TNNI3K: variants seen among roughly 807,000 people sequenced by gnomAD.
TNNI3K encodes serine/threonine-protein kinase TNNI3K.
A neutral mutation model predicts 114.5 loss-of-function variants in TNNI3K; 140 were observed. That is an observed-to-expected ratio of 1.22 (90% CI 1.07 to 1.41). The LOEUF (loss-of-function observed/expected upper bound fraction) is 1.41, where lower values mean the gene tolerates loss of function less well. Among genes scored for constraint, TNNI3K ranks in the 40% most tolerant of loss-of-function variants. The probability of loss-of-function intolerance (pLI) is 0.00; values close to 1 mark genes in which losing one functional copy is unlikely to be tolerated. For missense variants in TNNI3K, 1,125 were observed against 1,007.6 expected, an observed-to-expected ratio of 1.12 and a Z score of -1.58; for synonymous variants, 347 against 347.5, an observed-to-expected ratio of 1.00 and a Z score of 0.02.
In TNNI3K at chr1:74,279,049, A is replaced by G. The variant is rs1656847175; in HGVS notation, c.444+7341A>G. Among the ~76,000 whole-genome samples the G allele has an allele frequency of 7.2e-5, 11 of 152,316 alleles. 1 individual carries two copies. The South Asian group carries it at 2.3e-3, about 32-fold the overall frequency. ...TACTACCTGTCTATTTTCATTATAA[A>G]TCAATGCTGGAAGGAAATCTTCAAC... On this transcript the variant is annotated intron_variant, in intron 5 of 24. Coordinates refer to ENST00000326637, the MANE Select transcript of TNNI3K (RefSeq NM_015978.3).
chr1:74,259,549 A>G (rs529601585), intron 4 of TNNI3K, among the ~76,000 whole-genome samples: 177 of 152,270 alleles, frequency 1.2e-3, no homozygotes, highest in Non-Finnish European at 1.7e-3. Context: ...TGGGAGGCTG[A>G]GGCAGGTGGA....
intron 23 of TNNI3K, among the ~76,000 whole-genome samples, chr1:74,520,402 A>G (rs1433586482): frequency 1.3e-5 from 2 of 151,956 alleles, no homozygotes; most frequent in African/African-American, 2.4e-5. Flanking sequence ...CAGCCCCTCC[A>G]GTCTCTCTGT....
intron 20 of TNNI3K, among the ~76,000 whole-genome samples, chr1:74,462,535 T>C (rs1362559377): frequency 1.3e-5 from 2 of 152,200 alleles, no homozygotes; most frequent in Non-Finnish European, 2.9e-5. Context: ...ACATTAGTTA[T>C]ATGTAAAATG....
At chr1:74,360,752 T>A (rs1400512123) in intron 11 of TNNI3K, among the ~76,000 whole-genome samples, 1 of 152,092 alleles carries the variant, frequency 6.6e-6, no homozygotes, top group Non-Finnish European at 1.5e-5. Flanking sequence ...TTCTAGAAAG[T>A]CTTCCCTGAC....
chr1:74,452,422 T>C (rs1667066461), intron 20 of TNNI3K, among the ~76,000 whole-genome samples: 4 of 152,224 alleles, frequency 2.6e-5, no homozygotes, highest in Admixed American at 2.6e-4. Context: ...TTCAAAGTCA[T>C]CCTTGACTCC....
chr1:74,485,153 C>T (rs548361313), intron 21 of TNNI3K, among the ~76,000 whole-genome samples: 7 of 152,186 alleles, frequency 4.6e-5, no homozygotes, highest in South Asian at 2.1e-4. Flanking sequence ...CAAGGAGAAA[C>T]GAAGTAAATC....
intron 5 of TNNI3K, among the ~76,000 whole-genome samples, chr1:74,286,989 C>T (rs1657368782): frequency 1.3e-5 from 2 of 151,746 alleles, no homozygotes; most frequent in African/African-American, 4.8e-5. Context: ...AGAAGTTCAA[C>T]AAAGAGGTAG....
intron 20 of TNNI3K, among the ~76,000 whole-genome samples, chr1:74,445,695 C>G (rs1666620448): frequency 6.9e-6 from 1 of 145,148 alleles, no homozygotes; most frequent in South Asian, 2.1e-4. Flanking sequence ...ACTGCAAGTT[C>G]CGCCTCCCGG....
At chr1:74,391,343 T>G (rs1047318617) in intron 17 of TNNI3K, among the ~76,000 whole-genome samples, 1 of 152,058 alleles carries the variant, frequency 6.6e-6, no homozygotes, top group Non-Finnish European at 1.5e-5. Flanking sequence ...AAGTGGCAGA[T>G]GAAAATAGAT....
intron 17 of TNNI3K, among the ~76,000 whole-genome samples, chr1:74,422,327 A>G (rs1665440102): frequency 6.6e-6 from 1 of 152,218 alleles, no homozygotes; most frequent in South Asian, 2.1e-4. Context: ...CAATGCAGGT[A>G]TTTCATTTCC....
intron 2 of TNNI3K, among the ~76,000 whole-genome samples, chr1:74,247,207 T>G (rs1411234544): frequency 6.6e-6 from 1 of 152,106 alleles, no homozygotes; most frequent in African/African-American, 2.4e-5. Flanking sequence ...GGTGGGTTTG[T>G]GGTCTGCTGG....
At chr1:74,462,690 G>A (rs1407535108) in intron 20 of TNNI3K, among the ~76,000 whole-genome samples, 1 of 152,126 alleles carries the variant, frequency 6.6e-6, no homozygotes, top group East Asian at 1.9e-4. Context: ...CTACAAGCTT[G>A]GTTTCTAAGG....
At chr1:74,448,551 G>A (rs969419307) in intron 20 of TNNI3K, among the ~76,000 whole-genome samples, 5 of 144,882 alleles carry the variant, frequency 3.5e-5, no homozygotes, top group Middle Eastern at 3.4e-3. Context: ...GGTTTTCAAA[G>A]GGAATGCTTC....
rs985501695 is a variant in TNNI3K, at chr1:74,351,759, C to T, written c.933-1507C>T. 3.3e-5 allele frequency among the ~76,000 whole-genome samples: 5 copies of T among 152,156 alleles called. No homozygotes were observed. In the East Asian group the frequency reaches 5.8e-4, roughly 18 times the overall value. On this transcript the variant is annotated intron_variant, in intron 9 of 24. Coordinates refer to ENST00000326637, the MANE Select transcript of TNNI3K (RefSeq NM_015978.3). ...TACCCTTTCTTCCAGTTGATCGCAT[C>T]GGTTACTGAGGCTTGTGCATTCGTC...
chr1:74,498,941 C>A (rs1020733250), intron 23 of TNNI3K, among the ~76,000 whole-genome samples: 1 of 152,086 alleles, frequency 6.6e-6, no homozygotes, highest in Non-Finnish European at 1.5e-5. Context: ...TAATATGACG[C>A]TTATTTTAGC....
intron 4 of TNNI3K, among the ~76,000 whole-genome samples, chr1:74,268,654 T>C (rs1230226974): frequency 6.6e-6 from 1 of 151,846 alleles, no homozygotes; most frequent in Non-Finnish European, 1.5e-5. Context: ...ACTCTTTTTT[T>C]ATATAATCAA....
chr1:74,354,717 T>A (rs1481986111), intron 11 of TNNI3K, among the ~76,000 whole-genome samples: 1 of 152,230 alleles, frequency 6.6e-6, no homozygotes, highest in Non-Finnish European at 1.5e-5. Context: ...TATTTAATAT[T>A]TCTGAACTCC....
rs1654879206 is a variant in TNNI3K at position 74,250,738 on chromosome 1, G to A, written c.302G>A (p.Gly101Glu). ...CGCCCATCTCGACTGACAAGAAATGGATTTACAGCCTTGCATTTAGCAGTT... is the reference window on the plus strand; with the variant it reads ...CGCCCATCTCGACTGACAAGAAATGAATTTACAGCCTTGCATTTAGCAGTT... ...GLRPSRLTRN[G>E]FTALHLAVYK... The change falls in exon 4 of 25, where the codon GGA becomes GAA. Residue 101 changes from glycine to glutamate, a missense_variant. Gly to Glu is a moderately conservative substitution (Grantham distance 98). Coordinates refer to ENST00000326637, the MANE Select transcript of TNNI3K (RefSeq NM_015978.3). 3 of 1,612,568 alleles carry A rather than the reference G, an allele frequency of 1.9e-6. No homozygotes were observed. Among genetic ancestry groups the A allele is most frequent in the Non-Finnish European group, 8.5e-7 (1 of 1,179,436 alleles).
intron 20 of TNNI3K, among the ~76,000 whole-genome samples, chr1:74,459,988 A>G (rs1192785905): frequency 6.6e-6 from 1 of 152,222 alleles, no homozygotes; most frequent in African/African-American, 2.4e-5. Context: ...ATTAAATAAA[A>G]TTAAACAAAT....
Sources: gnomAD v4.1 joint callset for allele counts (sites outside exome capture counted in the v4.1 genomes callset) on GRCh38, gnomAD v4.1.1 for gene constraint, MANE v1.5 for transcripts, NCBI Gene and HGNC (gene_info 2026-07-23, HGNC 2026-07-21) for gene names.